The following KIF1A variants were observed in gnomAD, a reference collection of about 807,000 sequenced individuals.
The protein encoded by KIF1A is kinesin family member 1A.
Under a neutral mutation model 227.3 loss-of-function variants are expected in KIF1A, and 46 were observed. That is an observed-to-expected ratio of 0.20 (90% confidence interval 0.16 to 0.26). The LOEUF is 0.26. Among genes scored for constraint, KIF1A ranks in the 10% least tolerant of loss-of-function variants. The pLI is 1.00. For synonymous variants in KIF1A, 1,022 were observed against 1,012.8 expected (o/e 1.01, Z -0.17); for missense variants, 1,683 against 2,485.9 (o/e 0.68, Z 6.87).
Position 240,750,481 on chromosome 2 carries a change from G to A in KIF1A, c.2925C>T (p.Ser975=), listed in dbSNP as rs556611351. 40 of 1,613,902 alleles carry A rather than the reference G, an allele frequency of 2.5e-5. 1 individual carries two copies. Among genetic ancestry groups the A allele is most frequent in the African/African-American group, 1.9e-4 (14 of 75,068 alleles). Residue 975 remains serine, a synonymous_variant, in exon 28 of 49, where the codon AGC becomes AGT. Coordinates refer to ENST00000498729, the MANE Select transcript of KIF1A (RefSeq NM_001244008.2). The stretch of plus-strand genomic sequence containing the variant: ...GGAAGCCCTTCACCTCGCCCTTCTC[G>A]CTGACGATTGCCACACGGTGTACCA... ...VPLVHRVAIV[S]EKGEVKGFLR...
At chr2:240,807,765 A>G (rs1427574156) in intron 1 of KIF1A, among the ~76,000 whole-genome samples, 1 of 152,250 alleles carries the variant, frequency 6.6e-6, no homozygotes, top group Non-Finnish European at 1.5e-5. Flanking sequence ...GAACATAGGT[A>G]CAAAAGTCTG....
intron 29 of KIF1A, 44 bp from the exon 30 acceptor site, chr2:240,746,221 C>T (rs776419506): frequency 1.0e-5 from 16 of 1,544,998 alleles, no homozygotes; most frequent in East Asian, 7.4e-5. Context: ...AGGAGCCAGC[C>T]GAGGAGGGGC....
At chr2:240,820,774 G>A (rs560278286), upstream of KIF1A, among the ~76,000 whole-genome samples, 3 of 152,122 alleles carry the variant, frequency 2.0e-5, no homozygotes, top group South Asian at 4.1e-4. This position sits in a 1 kb window ranked among gnomAD's most constrained non-coding sequence, Gnocchi z 6.2. Context: ...CCGGGGCGCC[G>A]GGGGAAGAGC....
In KIF1A at chr2:240,792,557, A is replaced by C. The variant is rs1005854581; in HGVS notation, c.107-3245T>G. 6.6e-6 allele frequency among the ~76,000 whole-genome samples: 1 copy of C among 151,848 alleles called. No individual in the cohort carries two copies. Among genetic ancestry groups the C allele is most frequent in the African/African-American group, 2.4e-5 (1 of 41,338 alleles). On this transcript the variant is annotated intron_variant, in intron 2 of 48. Transcript: ENST00000498729. The surrounding 1 kb of genome is among the most constrained non-coding windows in gnomAD (Gnocchi z 4.5). ...GGGGTGAGGAGTGGGGGGAGCTGGA[A>C]GAAGGGGGACGGGAAAGGAATGGAA...
Position 240,740,254 on chromosome 2 carries a change from G to T in KIF1A, c.3816+44C>A, listed in dbSNP as rs756441591. On this transcript the variant is annotated intron_variant, in intron 36 of 48. Transcript: ENST00000498729. The surrounding 1 kb of genome is among the most constrained non-coding windows in gnomAD (Gnocchi z 6.1). ...GGGAGAGGCTCACACCTGGTGGGGT[G>T]GGGGAGGGGACACAGGCAGGGTAGG... is the stretch of plus-strand genomic sequence containing the variant. The T allele has an allele frequency of 1.3e-6, 2 of 1,578,858 alleles. No homozygotes were observed. The highest frequency in any genetic ancestry group is 1.7e-6 in the Non-Finnish European group (2 of 1,151,136).
At chr2:240,719,568 G>A (rs534108025) in intron 46 of KIF1A, among the ~76,000 whole-genome samples, 7 of 152,348 alleles carry the variant, frequency 4.6e-5, no homozygotes, top group African/African-American at 1.4e-4. Context: ...TGGGTCACAG[G>A]GCCCTGCCTG....
intron 1 of KIF1A, among the ~76,000 whole-genome samples, chr2:240,814,853 G>T (rs2058201979): frequency 6.6e-6 from 1 of 152,182 alleles, no homozygotes; most frequent in African/African-American, 2.4e-5. Flanking sequence ...GGAGGTTGAG[G>T]CTGTGGTGAG....
intron 23 of KIF1A, 139 bp from the exon 24 acceptor site, chr2:240,761,516 C>T (rs564052601): frequency 2.1e-5 from 15 of 701,592 alleles, no homozygotes; most frequent in Middle Eastern, 3.9e-4. Context: ...ACATCACGGC[C>T]GGGTGGTTAT....
chr2:240,763,983 C>A (rs1407610872), intron 20 of KIF1A, among the ~76,000 whole-genome samples: 2 of 152,196 alleles, frequency 1.3e-5, no homozygotes, highest in Non-Finnish European at 2.9e-5. Context: ...CGGCTGGACC[C>A]CCCTCAGGGC....
rs1575611383 is a variant in KIF1A, at chr2:240,778,384, C to G, written c.883-2458G>C. On this transcript the variant is annotated intron_variant, in intron 10 of 48. Transcript: ENST00000498729. This position sits in a 1 kb window ranked among gnomAD's most constrained non-coding sequence, Gnocchi z 7.2. ...CCTGACACACTCGCTCTCACGGTTC[C>G]TCACAGCTCCAGAGAAACTTGCCCA... Among the ~76,000 whole-genome samples the G allele has an allele frequency of 6.6e-6, 1 of 152,038 alleles. No individual in the cohort carries two copies. The highest frequency in any genetic ancestry group is 1.5e-5 in the Non-Finnish European group (1 of 68,000).
intron 38 of KIF1A, among the ~76,000 whole-genome samples, chr2:240,731,945 A>G (rs1262365847): frequency 6.5e-5 from 4 of 61,966 alleles, no homozygotes; most frequent in African/African-American, 1.8e-4. Flanking sequence ...GGATGGGGGG[A>G]GGAGGGGAGG....
intron 11 of KIF1A, 78 bp from the exon 12 acceptor site, chr2:240,774,339 A>G: frequency 1.1e-6 from 1 of 882,224 alleles, no homozygotes; most frequent in Non-Finnish European, 1.8e-6. Context: ...TTCCCCCCAC[A>G]TTTACAGATG....
At position 240,760,686 on chromosome 2, in the gene KIF1A, T is replaced by A; in HGVS notation, c.2423A>T (p.Tyr808Phe). Residue 808 changes from tyrosine (Y) to phenylalanine (F), a missense_variant, in exon 25 of 49, where the codon TAC becomes TTC. Transcript: ENST00000498729. Reference sequence around the variant, plus strand: ...CCACCTGAGCTTCTCCAGCGTCCAGTAGTGGGTGGCCCCGTTCTTCTGGTC... The same window carrying A: ...CCACCTGAGCTTCTCCAGCGTCCAGAAGTGGGTGGCCCCGTTCTTCTGGTC... ...VQDQKNGATH[Y>F]WTLEKLRQRL... The A allele has an allele frequency of 6.4e-7, 1 of 1,563,708 alleles. No individual in the cohort carries two copies. The highest frequency in any genetic ancestry group is 1.2e-5 in the South Asian group (1 of 83,870).
In KIF1A at chr2:240,715,671, T is replaced by C. The variant is rs2044531502; in HGVS notation, c.*1693A>G. ...CTTCCCATGTGGTGTAGAAGGCCCG[T>C]GCTCCCCCACTCCTGAGCCGCTGTC... On this transcript the variant is annotated 3_prime_UTR_variant, in exon 49 of 49. Transcript: ENST00000498729. 1 of 152,290 alleles carries C rather than the reference T, an allele frequency of 6.6e-6. No individual in the cohort carries two copies. Among genetic ancestry groups the C allele is most frequent in the African/African-American group, 2.4e-5 (1 of 41,386 alleles). The allele number at this position is 152,290 out of a possible 1,614,324, so 9.4% of individuals were successfully genotyped here. A position where few individuals can be genotyped will look rare whatever the true frequency, so the allele number is the denominator to read the frequency against.
Position 240,788,041 on chromosome 2 carries a change from C to CCCCAGGGG in KIF1A, c.363+9_363+10insCCCCTGGG. 1.3e-6 allele frequency: 2 copies of CCCCAGGGG among 1,520,680 alleles called. No homozygotes were observed. Among genetic ancestry groups the CCCCAGGGG allele is most frequent in the Non-Finnish European group, 1.8e-6 (2 of 1,121,314 alleles). The allele number at this position is 1,520,680 out of a possible 1,614,324, so 94.2% of individuals were successfully genotyped here. A position where few individuals can be genotyped will look rare whatever the true frequency, so the allele number is the denominator to read the frequency against. On this transcript the variant is annotated intron_variant, in intron 4 of 48. Transcript: ENST00000498729. The surrounding 1 kb of genome is among the most constrained non-coding windows in gnomAD (Gnocchi z 6.6). Reference sequence around the variant, plus strand: ...GCCAGGGCTGCCCCCGCCCGCCCCCCGCTTCGTGCCTGTGGGATGATGCCC... The same window carrying CCCCAGGGG: ...GCCAGGGCTGCCCCCGCCCGCCCCCCCCCAGGGGGCTTCGTGCCTGTGGGATGATGCCC...
intron 1 of KIF1A, among the ~76,000 whole-genome samples, chr2:240,812,867 C>T: frequency 6.6e-6 from 1 of 151,436 alleles, no homozygotes; most frequent in East Asian, 2.0e-4. Flanking sequence ...CCTCGGGGAT[C>T]AGCCTTCACT....
intron 17 of KIF1A, 24 bp downstream of exon 17, chr2:240,769,109 C>T: frequency 1.3e-6 from 2 of 1,592,490 alleles, no homozygotes; most frequent in Non-Finnish European, 1.7e-6. Context: ...GAGGGCAGTA[C>T]CACAGAACTG....
chr2:240,728,544 C>G, intron 38 of KIF1A: 8 of 531,908 alleles, frequency 1.5e-5, no homozygotes, highest in Non-Finnish European at 2.4e-5. Flanking sequence ...CTCACGGCCC[C>G]CAGGCTCTCG....
In KIF1A at chr2:240,795,720, C is replaced by A. The variant is rs140201016; in HGVS notation, c.106+1927G>T. 9.4e-3 allele frequency among the ~76,000 whole-genome samples: 1,430 copies of A among 152,284 alleles called. 31 individuals are homozygous for A. Among genetic ancestry groups the A allele is most frequent in the African/African-American group, 0.033 (1,351 of 41,560 alleles). On this transcript the variant is annotated intron_variant, in intron 2 of 48. Transcript: ENST00000498729. ...CTGGAGGCTGAGCCAGGGGGCAGGT[C>A]GGAGGCTGCAAGGGTGCCACTCGCC...
Sources: allele counts gnomAD v4.1 joint callset (sites outside exome capture counted in the v4.1 genomes callset), GRCh38; gene constraint gnomAD v4.1.1; non-coding constraint Gnocchi (gnomAD v3.1); transcripts MANE v1.5; gene names NCBI Gene and HGNC (gene_info 2026-07-23, HGNC 2026-07-21).